FREM1: variants seen among roughly 807,000 people sequenced by gnomAD.
FREM1 encodes the protein FRAS1-related extracellular matrix protein 1.
FREM1 carries 220 observed loss-of-function variants against 210.1 expected under a neutral mutation model. The observed-to-expected ratio is 1.05, with a 90% confidence interval of 0.94 to 1.17. FREM1 has a LOEUF of 1.17. FREM1 is among the 50% of genes most tolerant of loss of function. The pLI is 0.00. For missense variants in FREM1, 3,454 were observed against 2,675.5 expected (o/e 1.29, Z -6.42); for synonymous variants, 1,189 against 980.2 (o/e 1.21, Z -3.98).
chr9:14,816,327 C>T (rs553878987), intron 15 of FREM1, among the ~76,000 whole-genome samples: 4 of 152,228 alleles, frequency 2.6e-5, no homozygotes, highest in East Asian at 1.9e-4. Flanking sequence ...ATACAAGGAT[C>T]GAAGCAGGTA....
At chr9:14,825,303 C>T (rs555467654) in intron 10 of FREM1, among the ~76,000 whole-genome samples, 1 of 151,482 alleles carries the variant, frequency 6.6e-6, no homozygotes, top group Non-Finnish European at 1.5e-5. Flanking sequence ...GCCTGGCCAA[C>T]ATAGTGAAAC....
intron 1 of FREM1, among the ~76,000 whole-genome samples, chr9:14,893,238 A>T (rs1400497980): frequency 1.3e-5 from 2 of 152,122 alleles, no homozygotes; most frequent in African/African-American, 4.8e-5. Context: ...TAAAGTTTTG[A>T]TTAGTGGGAA....
chr9:14,806,201 G>C (rs1201495342), intron 18 of FREM1, among the ~76,000 whole-genome samples: 1 of 151,510 alleles, frequency 6.6e-6, no homozygotes, highest in Non-Finnish European at 1.5e-5. Context: ...AGATTCAAAA[G>C]CATCAGCTAT....
intron 28 of FREM1, among the ~76,000 whole-genome samples, chr9:14,758,866 G>T (rs1452599604): frequency 6.6e-6 from 1 of 152,190 alleles, no homozygotes; most frequent in Admixed American, 6.5e-5. Flanking sequence ...GACTGATCTA[G>T]AAGTGGTTAA....
chr9:14,771,914 T>C (rs1257570850), intron 25 of FREM1, among the ~76,000 whole-genome samples: 1 of 152,050 alleles, frequency 6.6e-6, no homozygotes, highest in Admixed American at 6.6e-5. Context: ...ATAATTATAA[T>C]ACTATTTTTG....
intron 1 of FREM1, among the ~76,000 whole-genome samples, chr9:14,895,041 T>G (rs909364988): frequency 1.4e-4 from 22 of 152,208 alleles, no homozygotes; most frequent in Admixed American, 6.5e-5. Flanking sequence ...AATGTCACTT[T>G]CTGACAGGCC....
chr9:14,751,964 C>A (rs1286737517), intron 29 of FREM1: 1 of 150,458 alleles, frequency 6.6e-6, no homozygotes, highest in Non-Finnish European at 1.5e-5. Context: ...AAACCAATTA[C>A]GTTCACAGTC....
chr9:14,754,834 C>A (rs1433749510), intron 29 of FREM1, among the ~76,000 whole-genome samples: 1 of 151,930 alleles, frequency 6.6e-6, no homozygotes, highest in Non-Finnish European at 1.5e-5. Context: ...CTTGGGAGGC[C>A]AAGGCAGGAT....
chr9:14,872,804 T>C (rs938260044), intron 1 of FREM1, among the ~76,000 whole-genome samples: 42 of 152,074 alleles, frequency 2.8e-4, no homozygotes, highest in African/African-American at 9.4e-4. Flanking sequence ...TGGCTGTGGG[T>C]TTGTCATAGA....
At chr9:14,835,620 G>C (rs1439299915) in intron 10 of FREM1, among the ~76,000 whole-genome samples, 1 of 152,138 alleles carries the variant, frequency 6.6e-6, no homozygotes, top group Non-Finnish European at 1.5e-5. Context: ...AAGAGGAAAG[G>C]ATCACCCAAC....
At chr9:14,883,000 C>G (rs78955599) in intron 1 of FREM1, among the ~76,000 whole-genome samples, 1 of 147,106 alleles carries the variant, frequency 6.8e-6, no homozygotes, top group South Asian at 2.2e-4. Flanking sequence ...TTCTTAATTA[C>G]AAACCCCCAT....
At chr9:14,897,656 T>C (rs1425972437) in intron 1 of FREM1, among the ~76,000 whole-genome samples, 1 of 151,786 alleles carries the variant, frequency 6.6e-6, no homozygotes. Flanking sequence ...AGTTCCTTCA[T>C]CAAGGCTCAC....
chr9:14,843,381 G>C (rs547104953), intron 8 of FREM1, among the ~76,000 whole-genome samples: 5 of 152,276 alleles, frequency 3.3e-5, no homozygotes, highest in African/African-American at 9.6e-5. Context: ...CGGGCCTTCA[G>C]ACTAATACCC....
In FREM1 at chr9:14,862,454, GA is replaced by G. The variant is rs1229970978; in HGVS notation, c.329+1354del. Among the ~76,000 whole-genome samples, 4 of 152,202 alleles carry G rather than the reference GA, an allele frequency of 2.6e-5. No individual in the cohort carries two copies. In the East Asian group the frequency reaches 7.7e-4, roughly 29 times the overall value. On this transcript the variant is annotated intron_variant, in intron 3 of 36. Transcript: ENST00000380880. ...TACATCAGTTCTCAGTGACTTTTAT[GA>G]AGTCAGATATACCATAATCGTGAGC...
intron 20 of FREM1, among the ~76,000 whole-genome samples, chr9:14,799,375 G>A (rs903815517): frequency 6.6e-6 from 1 of 152,046 alleles, no homozygotes; most frequent in Non-Finnish European, 1.5e-5. Flanking sequence ...GGATGTTTAT[G>A]AGAATATGCT....
intron 25 of FREM1, among the ~76,000 whole-genome samples, chr9:14,773,332 C>T (rs1847926008): frequency 6.6e-6 from 1 of 152,156 alleles, no homozygotes; most frequent in African/African-American, 2.4e-5. Context: ...AGCAGTTTTG[C>T]CCTCAATTAC....
At chr9:14,896,476 C>T (rs1053211650) in intron 1 of FREM1, among the ~76,000 whole-genome samples, 2 of 142,958 alleles carry the variant, frequency 1.4e-5, no homozygotes, top group African/African-American at 5.3e-5. Context: ...CTGGGGGAGA[C>T]AGAGGTTGCA....
At chr9:14,895,939 A>G (rs1837636220) in intron 1 of FREM1, among the ~76,000 whole-genome samples, 1 of 152,170 alleles carries the variant, frequency 6.6e-6, no homozygotes, top group Admixed American at 6.5e-5. Context: ...TGTCAGAGGC[A>G]TTTGAACCAG....
chr9:14,773,964 A>T (rs1848067679), intron 25 of FREM1: 1 of 375,728 alleles, frequency 2.7e-6, no homozygotes, highest in South Asian at 1.9e-5. Flanking sequence ...AGTTAGGAAT[A>T]AAAAAAAGAC....
Sources: allele counts gnomAD v4.1 joint callset (sites outside exome capture counted in the v4.1 genomes callset), GRCh38; gene constraint gnomAD v4.1.1; transcripts MANE v1.5; gene names NCBI Gene and HGNC (gene_info 2026-07-23, HGNC 2026-07-21).